The following PPP6C variants were observed in gnomAD, a reference collection of about 807,000 sequenced individuals.
The protein encoded by PPP6C is protein phosphatase 6 catalytic subunit.
PPP6C carries 11 observed loss-of-function variants against 39.8 expected under a neutral mutation model. The ratio of observed to expected loss-of-function variants is 0.28; its 90% CI spans 0.17 to 0.46. The LOEUF (loss-of-function observed/expected upper bound fraction) is 0.46. Among genes scored for constraint, PPP6C ranks in the 20% least tolerant of loss-of-function variants. PPP6C has a pLI of 1.00. For synonymous variants in PPP6C, 129 were observed against 130.3 expected (o/e 0.99, Z 0.07); for missense variants, 211 against 373.9 (o/e 0.56, Z 3.59).
At chr9:125,158,013 C>A (rs1281946547) in intron 4 of PPP6C, among the ~76,000 whole-genome samples, 1 of 151,946 alleles carries the variant, frequency 6.6e-6, no homozygotes, top group Non-Finnish European at 1.5e-5. Flanking sequence ...TTAATGAGAA[C>A]CCAGGTGATT....
At chr9:125,169,815 T>TCC (rs767242674) in intron 2 of PPP6C, among the ~76,000 whole-genome samples, 29 of 152,254 alleles carry the variant, frequency 1.9e-4, no homozygotes, top group Non-Finnish European at 2.5e-4. Context: ...TAATGGGACC[T>TCC]CCATCTAGGA....
intron 1 of PPP6C, among the ~76,000 whole-genome samples, chr9:125,184,865 C>T (rs1394731770): frequency 6.6e-6 from 1 of 150,792 alleles, no homozygotes; most frequent in South Asian, 2.1e-4. Context: ...ACCTGTAATC[C>T]CAGCTGAGGC....
chr9:125,152,735 C>T (rs1273362958), intron 6 of PPP6C, among the ~76,000 whole-genome samples: 1 of 151,666 alleles, frequency 6.6e-6, no homozygotes, highest in Non-Finnish European at 1.5e-5. Context: ...GAGGCTGAGA[C>T]AGGAGAATCG....
intron 3 of PPP6C, among the ~76,000 whole-genome samples, chr9:125,159,345 G>C (rs946788145): frequency 6.6e-6 from 1 of 150,808 alleles, no homozygotes; most frequent in Non-Finnish European, 1.5e-5. Context: ...CACTGCGCCC[G>C]GCCAAGTAAT....
At chr9:125,179,987 A>G (rs185173205) in intron 1 of PPP6C, among the ~76,000 whole-genome samples, 28 of 152,122 alleles carry the variant, frequency 1.8e-4, no homozygotes, top group African/African-American at 6.5e-4. Context: ...CTATTGCAAC[A>G]TAATTCACCT....
chr9:125,152,226 C>A (rs572929903), intron 6 of PPP6C, among the ~76,000 whole-genome samples: 1 of 152,064 alleles, frequency 6.6e-6, no homozygotes, highest in East Asian at 1.9e-4. Context: ...CTCTTTTGTA[C>A]CTACTCCTTT....
chr9:125,164,887 T>C (rs1440597026), intron 2 of PPP6C, among the ~76,000 whole-genome samples: 1 of 152,140 alleles, frequency 6.6e-6, no homozygotes, highest in East Asian at 1.9e-4. Context: ...TACAGTCATG[T>C]GCCACCATGC....
intron 4 of PPP6C, among the ~76,000 whole-genome samples, chr9:125,157,358 T>A (rs909245625): frequency 6.6e-6 from 1 of 152,124 alleles, no homozygotes; most frequent in African/African-American, 2.4e-5. Flanking sequence ...TACAGAGATA[T>A]ATGTAAAAGG....
chr9:125,156,439 A>G (rs1836078011), intron 4 of PPP6C, among the ~76,000 whole-genome samples: 1 of 151,784 alleles, frequency 6.6e-6, no homozygotes, highest in Admixed American at 6.6e-5. Flanking sequence ...ATGCCCAGCT[A>G]ATTTTTGTAT....
Position 125,158,118 on chromosome 9 carries a change from G to A in PPP6C, c.379+123C>T, listed in dbSNP as rs1034081831. ...CATAAGATTTTCAATTGTTTGGGAG[G>A]AGTGAAGGAGTGAGGATGTGGGGAA... On this transcript the variant is annotated intron_variant, in intron 4 of 6. Transcript: ENST00000373547. 75 of 951,980 alleles carry A rather than the reference G, an allele frequency of 7.9e-5. No homozygotes were observed. The African/African-American group carries it at 1.1e-3, about 14-fold the overall frequency. The allele number at this position is 951,980 out of a possible 1,614,324, so 59.0% of individuals were successfully genotyped here. A position where few individuals can be genotyped will look rare whatever the true frequency, so the allele number is the denominator to read the frequency against.
intron 1 of PPP6C, among the ~76,000 whole-genome samples, chr9:125,186,938 C>CTTTTTT (rs1168730026): frequency 0.012 from 1,021 of 83,472 alleles, 10 homozygotes; most frequent in East Asian, 0.015. Context: ...ATTTTTCTTT[C>CTTTTTT]TTTTTTTTTT....
chr9:125,147,477 G>A lies in PPP6C; in HGVS notation c.*2196C>T, dbSNP rs1267634381. 6.6e-6 allele frequency: 1 copy of A among 152,062 alleles called. No homozygotes were observed. The highest frequency in any genetic ancestry group is 2.4e-5 in the African/African-American group (1 of 41,400). 9.4% of individuals were successfully genotyped at this position (152,062 alleles called of 1,614,324 possible). ...AAAATATTCCTTGTAGGCTCACAAA[G>A]TCCAATACATTAGCTCTCTCTTCCC... On this transcript the variant is annotated 3_prime_UTR_variant, in exon 7 of 7. Transcript: ENST00000373547.
chr9:125,164,216 CTCTTTTTT>C (rs1828961573), intron 2 of PPP6C, among the ~76,000 whole-genome samples: 1 of 119,708 alleles, frequency 8.4e-6, no homozygotes, highest in African/African-American at 3.1e-5. Context: ...CTCCCTCACT[CTCTTTTTT>C]TTTTTTTTTT....
At chr9:125,178,207 G>A (rs544496012) in intron 1 of PPP6C, among the ~76,000 whole-genome samples, 1 of 152,294 alleles carries the variant, frequency 6.6e-6, no homozygotes, top group African/African-American at 2.4e-5. Context: ...AGTTTGTTTA[G>A]TTTTATAAGA....
chr9:125,160,013 C>T lies in PPP6C; in HGVS notation c.237+828G>A, dbSNP rs934114538. Among the ~76,000 whole-genome samples the T allele has an allele frequency of 3.3e-5, 5 of 149,694 alleles. No homozygotes were observed. In the East Asian group the frequency reaches 5.9e-4, roughly 18 times the overall value. On this transcript the variant is annotated intron_variant, in intron 3 of 6. Transcript: ENST00000373547. Reference sequence around the variant, plus strand: ...CCAGCCTGGCAACAGAGAGAGACTCCGTCTCAAAAAAAAAAAATAAGAAAG... The same window carrying T: ...CCAGCCTGGCAACAGAGAGAGACTCTGTCTCAAAAAAAAAAAATAAGAAAG...
At position 125,149,799 on chromosome 9, in the gene PPP6C, A is replaced by G; in HGVS notation, c.792T>C (p.Arg264=). The change falls in exon 7 of 7, where the codon CGT becomes CGC. Residue 264 remains arginine (R), a synonymous_variant. Coordinates refer to ENST00000373547, the MANE Select transcript of PPP6C (RefSeq NM_002721.5). ...TVWSAPNYCY[R]CGNIASIMVF... ...CCATGATCGAAGCAATATTTCCACA[A>G]CGATAGCAGTAATTAGGAGCAGACC... 2 of 1,614,204 alleles carry G rather than the reference A, an allele frequency of 1.2e-6. No homozygotes were observed. The highest frequency in any genetic ancestry group is 8.5e-7 in the Non-Finnish European group (1 of 1,180,036).
chr9:125,167,435 C>T (rs1588284811), intron 2 of PPP6C, among the ~76,000 whole-genome samples: 2 of 149,794 alleles, frequency 1.3e-5, no homozygotes, highest in Non-Finnish European at 3.0e-5. Flanking sequence ...TGACTCACGC[C>T]TGTAATCCCA....
chr9:125,187,538 C>A (rs1419809180), intron 1 of PPP6C, among the ~76,000 whole-genome samples: 1 of 151,864 alleles, frequency 6.6e-6, no homozygotes, highest in Non-Finnish European at 1.5e-5. Context: ...CCCACCTCAG[C>A]CTCCCCAAGT....
intron 2 of PPP6C, 123 bp downstream of exon 2, chr9:125,170,962 C>A: frequency 8.6e-6 from 5 of 582,406 alleles, no homozygotes; most frequent in Non-Finnish European, 1.4e-5. Context: ...GAGACTGAGG[C>A]AACCTAGCTT....
Sources: allele counts gnomAD v4.1 joint callset (sites outside exome capture counted in the v4.1 genomes callset), GRCh38; gene constraint gnomAD v4.1.1; transcripts MANE v1.5; gene names NCBI Gene and HGNC (gene_info 2026-07-23, HGNC 2026-07-21).